CRTAC1: variants seen among roughly 807,000 people sequenced by gnomAD.
CRTAC1 encodes cartilage acidic protein 1.
A neutral mutation model predicts 67.8 loss-of-function variants in CRTAC1; 37 were observed. That is an observed-to-expected ratio of 0.55 (90% CI 0.42 to 0.72). The LOEUF (loss-of-function observed/expected upper bound fraction) is 0.72. Ranked by LOEUF, CRTAC1 falls within the 30% of genes least tolerant of loss-of-function variation. The pLI is 0.00. For synonymous variants in CRTAC1, 348 were observed against 371.0 expected (o/e 0.94, Z 0.71); for missense variants, 780 against 931.6 (o/e 0.84, Z 2.12).
chr10:98,006,511 A>T (rs112855083), intron 2 of CRTAC1, among the ~76,000 whole-genome samples: 15 of 152,220 alleles, frequency 9.9e-5, no homozygotes, highest in Non-Finnish European at 1.6e-4. Context: ...AGTCAGAGAC[A>T]TGCACACGCC....
At chr10:97,887,623 C>T (rs1033524225) in intron 11 of CRTAC1, among the ~76,000 whole-genome samples, 3 of 152,196 alleles carry the variant, frequency 2.0e-5, no homozygotes, top group African/African-American at 7.2e-5. Flanking sequence ...ATGAGATAAG[C>T]AGGCCTCAGA....
intron 2 of CRTAC1, among the ~76,000 whole-genome samples, chr10:97,962,318 A>ACT (rs3068016): frequency 0.47 from 70,664 of 151,904 alleles, 17,300 homozygotes; most frequent in African/African-American, 0.62. Context: ...AAAACAGGAC[A>ACT]CTGCGTCAGT....
In CRTAC1 at chr10:97,934,207, C is replaced by T. The variant is rs12244914; in HGVS notation, c.421+1963G>A. On this transcript the variant is annotated intron_variant, in intron 3 of 14. Coordinates refer to ENST00000370597, the MANE Select transcript of CRTAC1 (RefSeq NM_018058.7). Reference sequence around the variant, plus strand: ...CACCCCTTCTATAGGCATCCCTTGACGCTGATCCCTTTCTGACCTTGTCCA... The same window carrying T: ...CACCCCTTCTATAGGCATCCCTTGATGCTGATCCCTTTCTGACCTTGTCCA... Among the ~76,000 whole-genome samples, 173 of 152,350 alleles carry T rather than the reference C, an allele frequency of 1.1e-3. 1 individual carries two copies. The highest frequency in any genetic ancestry group is 3.7e-3 in the African/African-American group (152 of 41,572).
chr10:97,935,643 A>G (rs1486934945), intron 3 of CRTAC1, among the ~76,000 whole-genome samples: 1 of 152,212 alleles, frequency 6.6e-6, no homozygotes, highest in East Asian at 1.9e-4. Context: ...CAGCATCTCT[A>G]GGCTGGCATA....
chr10:97,928,356 G>T (rs79468873), intron 3 of CRTAC1, among the ~76,000 whole-genome samples: 1 of 152,130 alleles, frequency 6.6e-6, no homozygotes, highest in Non-Finnish European at 1.5e-5. Context: ...CTTGGTCCCT[G>T]ACTAGGGGCT....
intron 2 of CRTAC1, among the ~76,000 whole-genome samples, chr10:97,964,214 C>A (rs1334884192): frequency 6.6e-6 from 1 of 152,140 alleles, no homozygotes; most frequent in East Asian, 1.9e-4. Flanking sequence ...CCTAAAAGCC[C>A]TAAGATGAGT....
chr10:97,944,296 T>C (rs2051227807), intron 2 of CRTAC1, among the ~76,000 whole-genome samples: 1 of 151,996 alleles, frequency 6.6e-6, no homozygotes, highest in South Asian at 2.1e-4. Flanking sequence ...CTGAGCGTGG[T>C]GGTGCACACC....
chr10:97,978,864 G>C (rs1289888112), intron 2 of CRTAC1, among the ~76,000 whole-genome samples: 2 of 152,176 alleles, frequency 1.3e-5, no homozygotes, highest in Non-Finnish European at 2.9e-5. Flanking sequence ...GTGGAGGCAA[G>C]AATATGGGCT....
chr10:97,955,061 T>C (rs2136636523), intron 2 of CRTAC1, among the ~76,000 whole-genome samples: 1 of 152,324 alleles, frequency 6.6e-6, no homozygotes, highest in Admixed American at 6.5e-5. Flanking sequence ...ATAATAATAA[T>C]AATAGCAGCT....
intron 2 of CRTAC1, among the ~76,000 whole-genome samples, chr10:97,991,444 A>AAATAAATAAATAAATC (rs1842454400): frequency 6.6e-6 from 1 of 151,410 alleles, no homozygotes; most frequent in Non-Finnish European, 1.5e-5. Flanking sequence ...ATAAATAAAT[A>AAATAAATAAATAAATC]AATAAGATAA....
intron 14 of CRTAC1, chr10:97,879,687 A>C: frequency 6.5e-7 from 1 of 1,545,760 alleles, no homozygotes; most frequent in Non-Finnish European, 8.7e-7. Flanking sequence ...TGGGATTTAA[A>C]GTGCATATAA....
chr10:97,916,699 C>G (rs1010141839), intron 5 of CRTAC1, among the ~76,000 whole-genome samples: 1 of 152,238 alleles, frequency 6.6e-6, no homozygotes, highest in Non-Finnish European at 1.5e-5. Flanking sequence ...GAGGATCTCT[C>G]TGTCCCAAGT....
chr10:97,941,966 T>A (rs1396040001), intron 2 of CRTAC1, among the ~76,000 whole-genome samples: 1 of 152,156 alleles, frequency 6.6e-6, no homozygotes, highest in African/African-American at 2.4e-5. Flanking sequence ...TCCTTTCAGC[T>A]CCTTGAATTC....
At chr10:97,892,812 C>T (rs2050397198) in intron 11 of CRTAC1, among the ~76,000 whole-genome samples, 1 of 152,154 alleles carries the variant, frequency 6.6e-6, no homozygotes, top group African/African-American at 2.4e-5. Context: ...ATAAACACTC[C>T]AACCTCAGGC....
chr10:97,890,946 C>T (rs189798208), intron 11 of CRTAC1, among the ~76,000 whole-genome samples: 26 of 152,292 alleles, frequency 1.7e-4, no homozygotes, highest in South Asian at 8.3e-4. Flanking sequence ...GGAGGACAGG[C>T]GTGAGCCACT....
intron 2 of CRTAC1, among the ~76,000 whole-genome samples, chr10:97,966,909 C>T (rs549650627): frequency 7.9e-5 from 12 of 152,024 alleles, no homozygotes; most frequent in African/African-American, 2.9e-4. Context: ...AGGGCACACA[C>T]TCTCAACATG....
At chr10:97,980,028 T>C (rs1318246903) in intron 2 of CRTAC1, among the ~76,000 whole-genome samples, 1 of 152,230 alleles carries the variant, frequency 6.6e-6, no homozygotes, top group Non-Finnish European at 1.5e-5. Context: ...TGGGACACAC[T>C]GGTCCAATGG....
At chr10:97,894,198 G>A (rs1160375700) in intron 11 of CRTAC1, among the ~76,000 whole-genome samples, 1 of 152,196 alleles carries the variant, frequency 6.6e-6, no homozygotes, top group African/African-American at 2.4e-5. Flanking sequence ...ATTTTCCAGT[G>A]TAGCTGTATC....
intron 9 of CRTAC1, 124 bp from the exon 10 acceptor site, chr10:97,896,109 G>A: frequency 1.3e-6 from 1 of 790,186 alleles, no homozygotes; most frequent in Non-Finnish European, 2.1e-6. Context: ...CAGCACCGGG[G>A]CAGGAAGGCT....
Sources: allele counts gnomAD v4.1 joint callset (sites outside exome capture counted in the v4.1 genomes callset), GRCh38; gene constraint gnomAD v4.1.1; transcripts MANE v1.5; gene names NCBI Gene and HGNC (gene_info 2026-07-23, HGNC 2026-07-21).